Variants in RNU4-2 observed in about 807,000 individuals in gnomAD.
RNU4-2 encodes the protein RNA, U4 small nuclear 1B.
exon 1 of RNU4-2, chr12:120,291,771 G>C (rs575295998): frequency 2.0e-5 from 3 of 152,144 alleles, no homozygotes; most frequent in Admixed American, 6.5e-5. Flanking sequence ...AGTCTCCGTA[G>C]AGACTGTCAA....
chr12:120,291,815 A>T (rs1388116508), exon 1 of RNU4-2: 1 of 152,208 alleles, frequency 6.6e-6, no homozygotes. Flanking sequence ...TCAAGTCGTC[A>T]TGGCGGGGTA....
exon 1 of RNU4-2, chr12:120,291,804 T>G (rs1298139272): frequency 1.3e-5 from 2 of 152,214 alleles, no homozygotes; most frequent in Non-Finnish European, 2.9e-5. Flanking sequence ...CCGACTATAT[T>G]TCAAGTCGTC....
Position 120,291,779 on chromosome 12 carries a change from C to T in RNU4-2, n.125G>A, listed in dbSNP as rs532821259. 2 of 152,246 alleles carry T rather than the reference C, an allele frequency of 1.3e-5. No individual in the cohort carries two copies. The highest frequency in any genetic ancestry group is 4.8e-5 in the African/African-American group (2 of 41,552). The allele number at this position is 152,246 out of a possible 1,614,324, so 9.4% of individuals were successfully genotyped here. A position where few individuals can be genotyped will look rare whatever the true frequency, so the allele number is the denominator to read the frequency against. ...AAAATTCAGTCTCCGTAGAGACTGT[C>T]AAAAATTGCCAATGCCGACTATATT... On this transcript the variant is annotated non_coding_transcript_exon_variant, in exon 1 of 1. Transcript: ENST00000365668.
exon 1 of RNU4-2, chr12:120,291,853 T>G (rs553906182): frequency 6.6e-6 from 1 of 152,164 alleles, no homozygotes; most frequent in Non-Finnish European, 1.5e-5. Context: ...TTAGCAATAA[T>G]CGCGCCTCGG....
exon 1 of RNU4-2, chr12:120,291,857 G>T (rs1049590446): frequency 6.6e-6 from 1 of 152,066 alleles, no homozygotes; most frequent in African/African-American, 2.4e-5. Context: ...CAATAATCGC[G>T]CCTCGGATAA....
At chr12:120,291,808 A>G (rs944925512) in exon 1 of RNU4-2, 4 of 152,200 alleles carry the variant, frequency 2.6e-5, no homozygotes, top group South Asian at 2.1e-4. Flanking sequence ...CTATATTTCA[A>G]GTCGTCATGG....
chr12:120,291,806 C>G (rs568537588), exon 1 of RNU4-2: 2 of 152,184 alleles, frequency 1.3e-5, no homozygotes, highest in Non-Finnish European at 2.9e-5. Flanking sequence ...GACTATATTT[C>G]AAGTCGTCAT....
At chr12:120,291,845 AG>A (rs1380916212) in exon 1 of RNU4-2, 1 of 152,164 alleles carries the variant, frequency 6.6e-6, no homozygotes, top group Non-Finnish European at 1.5e-5. Flanking sequence ...GTTTTCAATT[AG>A]CAATAATCGC....
rs759873862 is a variant in RNU4-2 at position 120,291,777 on chromosome 12, G to A, written n.127C>T. On this transcript the variant is annotated non_coding_transcript_exon_variant, in exon 1 of 1. Coordinates refer to ENST00000365668, the Ensembl canonical transcript of RNU4-2. ...TAAAAATTCAGTCTCCGTAGAGACT[G>A]TCAAAAATTGCCAATGCCGACTATA... 8.5e-5 allele frequency: 13 copies of A among 152,174 alleles called. No homozygotes were observed. The highest frequency in any genetic ancestry group is 1.5e-4 in the Non-Finnish European group (10 of 68,030). The allele number at this position is 152,174 out of a possible 1,614,324, so 9.4% of individuals were successfully genotyped here.
exon 1 of RNU4-2, chr12:120,291,876 G>GA (rs1871986416): frequency 6.6e-6 from 1 of 152,062 alleles, no homozygotes; most frequent in South Asian, 2.1e-4. Context: ...AAACCTCATT[G>GA]GCTACGATAC....
chr12:120,291,865 T>A (rs1011054751), exon 1 of RNU4-2: 9 of 152,168 alleles, frequency 5.9e-5, no homozygotes, highest in African/African-American at 1.9e-4. Flanking sequence ...GCGCCTCGGA[T>A]AAACCTCATT....
exon 1 of RNU4-2, chr12:120,291,873 A>T (rs1402092900): frequency 6.6e-6 from 1 of 152,088 alleles, no homozygotes. Flanking sequence ...GATAAACCTC[A>T]TTGGCTACGA....
chr12:120,291,864 A>G (rs893585744), exon 1 of RNU4-2: 5 of 152,138 alleles, frequency 3.3e-5, no homozygotes, highest in Admixed American at 6.6e-5. Flanking sequence ...CGCGCCTCGG[A>G]TAAACCTCAT....
At chr12:120,291,811 C>G (rs538223167) in exon 1 of RNU4-2, 2 of 152,124 alleles carry the variant, frequency 1.3e-5, no homozygotes, top group South Asian at 2.1e-4. Flanking sequence ...TATTTCAAGT[C>G]GTCATGGCGG....
At chr12:120,291,805 T>A (rs575168828) in exon 1 of RNU4-2, 1 of 152,194 alleles carries the variant, frequency 6.6e-6, no homozygotes, top group Non-Finnish European at 1.5e-5. Flanking sequence ...CGACTATATT[T>A]CAAGTCGTCA....
chr12:120,291,798 C>T (rs1397751930), exon 1 of RNU4-2: 4 of 152,156 alleles, frequency 2.6e-5, no homozygotes, highest in African/African-American at 4.8e-5. Flanking sequence ...CCAATGCCGA[C>T]TATATTTCAA....
Position 120,291,828 on chromosome 12 carries a change from G to A in RNU4-2, n.76C>T, listed in dbSNP as rs1871979864. 1 of 152,108 alleles carries A rather than the reference G, an allele frequency of 6.6e-6. No homozygotes were observed. The highest frequency in any genetic ancestry group is 6.6e-5 in the Admixed American group (1 of 15,236). 9.4% of individuals were successfully genotyped at this position (152,108 alleles called of 1,614,324 possible). ...TTTCAAGTCGTCATGGCGGGGTATT[G>A]GGAAAAGTTTTCAATTAGCAATAAT... On this transcript the variant is annotated non_coding_transcript_exon_variant, in exon 1 of 1. Transcript: ENST00000365668.
chr12:120,291,887 T>A (rs1208432687), exon 1 of RNU4-2: 1 of 152,116 alleles, frequency 6.6e-6, no homozygotes, highest in Non-Finnish European at 1.5e-5. Context: ...GCTACGATAC[T>A]GCCACTGCGC....
At chr12:120,291,799 T>C (rs1287986670) in exon 1 of RNU4-2, 9 of 152,224 alleles carry the variant, frequency 5.9e-5, no homozygotes, top group Admixed American at 1.3e-4. Context: ...CAATGCCGAC[T>C]ATATTTCAAG....
Sources: allele counts gnomAD v4.1 joint callset, GRCh38; gene constraint gnomAD v4.1.1; transcripts MANE v1.5; gene names NCBI Gene and HGNC (gene_info 2026-07-23, HGNC 2026-07-21).